The following DOCK2 variants were observed in gnomAD, a reference collection of about 807,000 sequenced individuals.
DOCK2 encodes dedicator of cytokinesis 2.
In DOCK2, 87 loss-of-function variants were observed where a neutral mutation model predicts 248.9. The ratio of observed to expected loss-of-function variants is 0.35; its 90% CI spans 0.29 to 0.42. The LOEUF is 0.42. Ranked by LOEUF, DOCK2 falls within the 10% of genes least tolerant of loss-of-function variation. DOCK2 has a pLI of 1.00. For synonymous variants in DOCK2, 805 were observed against 821.6 expected, an observed-to-expected ratio of 0.98 and a Z score of 0.35; for missense variants, 1,747 against 2,300.2, an observed-to-expected ratio of 0.76 and a Z score of 4.92.
At chr5:169,920,041 AT>A in intron 27 of DOCK2, among the ~76,000 whole-genome samples, 1 of 152,332 alleles carries the variant, frequency 6.6e-6, no homozygotes, top group African/African-American at 2.4e-5. Flanking sequence ...GAATTATGTC[AT>A]TTAATCCACA....
chr5:169,834,273 C>T (rs584694), intron 26 of DOCK2, among the ~76,000 whole-genome samples: 278 of 60,820 alleles, frequency 4.6e-3, no homozygotes, highest in Admixed American at 6.7e-3. Flanking sequence ...TACTCACATG[C>T]TCAGTCAGTG....
At chr5:170,014,770 T>C (rs1755449682) in intron 32 of DOCK2, among the ~76,000 whole-genome samples, 1 of 151,904 alleles carries the variant, frequency 6.6e-6, no homozygotes, top group Non-Finnish European at 1.5e-5. Flanking sequence ...GGAGGGTGGC[T>C]AGGTGAGAGG....
At chr5:169,754,546 T>G (rs1764086832) in intron 23 of DOCK2, among the ~76,000 whole-genome samples, 1 of 152,238 alleles carries the variant, frequency 6.6e-6, no homozygotes, top group African/African-American at 2.4e-5. Flanking sequence ...GAACTGCACT[T>G]TATTTTCAAA....
intron 25 of DOCK2, among the ~76,000 whole-genome samples, chr5:169,773,862 G>C (rs1765233546): frequency 6.6e-6 from 1 of 152,124 alleles, no homozygotes; most frequent in Admixed American, 6.5e-5. Flanking sequence ...AGTCTCACGA[G>C]ATCTGATGGT....
chr5:170,060,011 T>C (rs1229261887), intron 44 of DOCK2, among the ~76,000 whole-genome samples: 1 of 152,266 alleles, frequency 6.6e-6, no homozygotes, highest in Non-Finnish European at 1.5e-5. Flanking sequence ...TGACTTCATT[T>C]CCAAAGATTG....
chr5:169,990,204 T>C (rs1045251370), intron 29 of DOCK2, among the ~76,000 whole-genome samples: 1 of 152,114 alleles, frequency 6.6e-6, no homozygotes, highest in Non-Finnish European at 1.5e-5. Context: ...ATTCCGGTGA[T>C]TCTCTTGCTT....
intron 27 of DOCK2, among the ~76,000 whole-genome samples, chr5:169,929,377 G>A (rs148518768): frequency 5.9e-5 from 9 of 152,054 alleles, no homozygotes; most frequent in African/African-American, 2.2e-4. Context: ...TCCACAAAGC[G>A]AATCCCGGCA....
At chr5:170,057,833 A>AT (rs200335646) in intron 44 of DOCK2, among the ~76,000 whole-genome samples, 167 bp downstream of exon 44, 111 of 146,872 alleles carry the variant, frequency 7.6e-4, no homozygotes, top group East Asian at 5.8e-3. Context: ...TGCCTTTCAG[A>AT]TTTTTTTTTT....
intron 40 of DOCK2, 43 bp from the exon 41 acceptor site, chr5:170,050,213 C>T: frequency 1.9e-6 from 3 of 1,604,664 alleles, no homozygotes; most frequent in Non-Finnish European, 2.6e-6. Context: ...CCTTTCTTCA[C>T]ACCTGGGTCC....
intron 30 of DOCK2, 78 bp from the exon 31 acceptor site, chr5:170,008,419 A>G: frequency 1.4e-6 from 2 of 1,464,902 alleles, no homozygotes; most frequent in African/African-American, 1.4e-5. Flanking sequence ...ATCTTCATAA[A>G]TTATTCACAC....
At chr5:169,671,436 T>C (rs1759046781) in intron 5 of DOCK2, among the ~76,000 whole-genome samples, 1 of 152,218 alleles carries the variant, frequency 6.6e-6, no homozygotes, top group South Asian at 2.1e-4. Flanking sequence ...AACTTGAGCA[T>C]GCATAAGAAT....
At chr5:169,903,049 G>A (rs183107305) in intron 27 of DOCK2, among the ~76,000 whole-genome samples, 10 of 151,890 alleles carry the variant, frequency 6.6e-5, no homozygotes, top group Admixed American at 5.9e-4. Context: ...AGTGAGCTGA[G>A]ATCACGCCAC....
chr5:169,684,115 T>A lies in DOCK2; in HGVS notation c.607-81T>A, dbSNP rs965230008. The A allele has an allele frequency of 1.7e-5, 26 of 1,553,800 alleles. 1 individual carries two copies. The African/African-American group carries it at 3.1e-4, about 19-fold the overall frequency. On this transcript the variant is annotated intron_variant, in intron 7 of 51. Coordinates refer to ENST00000520908, the MANE Select transcript of DOCK2 (RefSeq NM_004946.3). Reference sequence around the variant, plus strand: ...CCAAACTTTAGGCTTGAACCCAATATCCTTGACTATCTCTCTGTTGCTCTA... The same window carrying A: ...CCAAACTTTAGGCTTGAACCCAATAACCTTGACTATCTCTCTGTTGCTCTA...
intron 27 of DOCK2, among the ~76,000 whole-genome samples, chr5:169,916,609 A>G (rs1774887361): frequency 6.6e-6 from 1 of 152,204 alleles, no homozygotes; most frequent in Non-Finnish European, 1.5e-5. Flanking sequence ...ACAAGTTAAT[A>G]TATTTAAAGT....
At chr5:169,961,794 A>G (rs957995477) in intron 27 of DOCK2, among the ~76,000 whole-genome samples, 3 of 151,928 alleles carry the variant, frequency 2.0e-5, no homozygotes, top group African/African-American at 7.3e-5. Context: ...CCTGGCCAAC[A>G]TGGTGAAACC....
rs56040572 is a variant in DOCK2 at position 169,939,203 on chromosome 5, C to CTTTTTT, written c.2800-43856_2800-43851dup. 7.5e-3 allele frequency among the ~76,000 whole-genome samples: 1,075 copies of CTTTTTT among 143,700 alleles called. 44 individuals are homozygous for CTTTTTT. In the East Asian group the frequency reaches 0.13, roughly 17 times the overall value. The allele number at this position is 143,700 out of a possible 152,430, so 94.3% of individuals were successfully genotyped here. On this transcript the variant is annotated intron_variant, in intron 27 of 51. Coordinates refer to ENST00000520908, the MANE Select transcript of DOCK2 (RefSeq NM_004946.3). ...ACAGGCGTGAGCCACTGTGCCCGGCCTTTTTTTTTTTTTTAAACTTTTTAA... is the reference window on the plus strand; with the variant it reads ...ACAGGCGTGAGCCACTGTGCCCGGCCTTTTTTTTTTTTTTTTTTTTAAACTTTTTAA...
At chr5:169,802,925 T>G in intron 25 of DOCK2, 133 bp from the exon 26 acceptor site, 1 of 1,160,422 alleles carries the variant, frequency 8.6e-7, no homozygotes, top group Non-Finnish European at 1.2e-6. Context: ...AACCTAATCT[T>G]TAATATTTTA....
intron 32 of DOCK2, among the ~76,000 whole-genome samples, chr5:170,010,283 T>C (rs1648796959): frequency 6.6e-6 from 1 of 152,140 alleles, no homozygotes; most frequent in South Asian, 2.1e-4. Flanking sequence ...TCTACCCTGT[T>C]TTTCTAGAAA....
chr5:169,762,303 C>T (rs1184100670), intron 25 of DOCK2, among the ~76,000 whole-genome samples: 1 of 152,154 alleles, frequency 6.6e-6, no homozygotes, highest in Non-Finnish European at 1.5e-5. Flanking sequence ...TTATTATTAT[C>T]ATGCAAATGG....
Sources: gnomAD v4.1 joint callset for allele counts (sites outside exome capture counted in the v4.1 genomes callset) on GRCh38, gnomAD v4.1.1 for gene constraint, MANE v1.5 for transcripts, NCBI Gene and HGNC (gene_info 2026-07-23, HGNC 2026-07-21) for gene names.